Variants in SF3B1 observed in about 807,000 individuals in gnomAD.
SF3B1 encodes the protein pre-mRNA processing 10.
Under a neutral mutation model 153.8 loss-of-function variants are expected in SF3B1, and 12 were observed. The ratio of observed to expected loss-of-function variants is 0.08; its 90% CI spans 0.05 to 0.13. The LOEUF (loss-of-function observed/expected upper bound fraction) is 0.13. SF3B1 is among the 10% of genes least tolerant of loss of function. The probability of loss-of-function intolerance (pLI) is 1.00; values close to 1 mark genes in which losing one functional copy is unlikely to be tolerated. For synonymous variants in SF3B1, 498 were observed against 525.2 expected (o/e 0.95, Z 0.71); for missense variants, 513 against 1,606.1 (o/e 0.32, Z 11.63).
At chr2:197,393,678 C>A (rs2084840900) in intron 23 of SF3B1, among the ~76,000 whole-genome samples, 2 of 151,962 alleles carry the variant, frequency 1.3e-5, no homozygotes, top group Admixed American at 1.3e-4. Context: ...GTCTCGATCT[C>A]TTGACCTTGT....
intron 1 of SF3B1, among the ~76,000 whole-genome samples, chr2:197,430,769 A>G (rs2106025314): frequency 6.6e-6 from 1 of 152,158 alleles, no homozygotes; most frequent in South Asian, 2.1e-4. Context: ...TAGTGTTATT[A>G]AAACCTGTCT....
chr2:197,408,212 A>G, intron 8 of SF3B1, 93 bp from the exon 9 acceptor site: 1 of 1,310,852 alleles, frequency 7.6e-7, no homozygotes, highest in Non-Finnish European at 1.1e-6. Flanking sequence ...CAATCCTATT[A>G]TTTGCTTTTA....
At chr2:197,413,953 CCCG>C (rs539000107) in intron 6 of SF3B1, among the ~76,000 whole-genome samples, 399 of 152,118 alleles carry the variant, frequency 2.6e-3, no homozygotes, top group Non-Finnish European at 3.1e-3. Flanking sequence ...ATTACAGGTG[CCCG>C]CCAACATGCC....
In SF3B1 at chr2:197,402,328, T is replaced by G. The variant is rs1026366961; in HGVS notation, c.2078-198A>C. On this transcript the variant is annotated intron_variant, in intron 14 of 24. Coordinates refer to ENST00000335508, the MANE Select transcript of SF3B1 (RefSeq NM_012433.4). This position sits in a 1 kb window ranked among gnomAD's most constrained non-coding sequence, Gnocchi z 4.6. ...CAAACCCATCATAAAATCTATAGTT[T>G]GTAGAGCTATGCCTTTCCATTTATC... 28 of 712,108 alleles carry G rather than the reference T, an allele frequency of 3.9e-5. No homozygotes were observed. The highest frequency in any genetic ancestry group is 5.4e-5 in the Non-Finnish European group (24 of 440,522). 44.1% of individuals were successfully genotyped at this position (712,108 alleles called of 1,614,324 possible).
At chr2:197,433,723 TC>T (rs150021501) in intron 1 of SF3B1, among the ~76,000 whole-genome samples, 6,464 of 152,292 alleles carry the variant, frequency 0.042, 199 homozygotes, top group Non-Finnish European at 0.059. Flanking sequence ...ATCCAACCTT[TC>T]CAGATTCATT....
At chr2:197,433,265 C>T (rs189880411) in intron 1 of SF3B1, among the ~76,000 whole-genome samples, 2 of 152,330 alleles carry the variant, frequency 1.3e-5, no homozygotes, top group African/African-American at 4.8e-5. Context: ...TCACTTAATT[C>T]ACATTGATAG....
chr2:197,412,014 G>A (rs1417912001), intron 6 of SF3B1, among the ~76,000 whole-genome samples: 2 of 151,172 alleles, frequency 1.3e-5, no homozygotes, highest in Non-Finnish European at 2.9e-5. Context: ...GGAGGGTGAG[G>A]CATGAGAATT....
chr2:197,420,652 C>CT, intron 3 of SF3B1, 110 bp from the exon 4 acceptor site: 1 of 640,184 alleles, frequency 1.6e-6, no homozygotes, highest in African/African-American at 1.8e-5. Flanking sequence ...TACATGCCTA[C>CT]TAATATTCTG....
chr2:197,422,222 C>T (rs2085255360), intron 2 of SF3B1, among the ~76,000 whole-genome samples: 1 of 151,922 alleles, frequency 6.6e-6, no homozygotes, highest in South Asian at 2.1e-4. Flanking sequence ...CTAGAAATTT[C>T]ACCTTTTGGG....
intron 2 of SF3B1, among the ~76,000 whole-genome samples, chr2:197,422,536 G>T (rs1240405450): frequency 1.3e-5 from 2 of 151,672 alleles, no homozygotes. Flanking sequence ...ATGGACCCTA[G>T]AATTTAAAGT....
At chr2:197,407,607 A>T (rs11676173) in intron 9 of SF3B1, among the ~76,000 whole-genome samples, 2,819 of 89,104 alleles carry the variant, frequency 0.032, 49 homozygotes, top group Non-Finnish European at 0.039. Flanking sequence ...TCCATCTTTT[A>T]AAAAAAAAAA....
chr2:197,408,672 A>C (rs1398984684), intron 7 of SF3B1, 91 bp from the exon 8 acceptor site: 15 of 902,032 alleles, frequency 1.7e-5, no homozygotes. Context: ...AAAACTATCA[A>C]GTTCTAAAAT....
chr2:197,402,301 A>G lies in SF3B1; in HGVS notation c.2078-171T>C, dbSNP rs901736730. ...ACCATAGCCTGTCAGCAGATAATAT[A>G]ACAAACCCATCATAAAATCTATAGT... On this transcript the variant is annotated intron_variant, in intron 14 of 24. Coordinates refer to ENST00000335508, the MANE Select transcript of SF3B1 (RefSeq NM_012433.4). This position sits in a 1 kb window ranked among gnomAD's most constrained non-coding sequence, Gnocchi z 4.6. The G allele has an allele frequency of 1.6e-4, 125 of 767,496 alleles. No individual in the cohort carries two copies. In the African/African-American group the frequency reaches 1.7e-3, roughly 11 times the overall value. The allele number at this position is 767,496 out of a possible 1,614,324, so 47.5% of individuals were successfully genotyped here.
chr2:197,398,409 C>A (rs115789921), intron 21 of SF3B1, 52 bp downstream of exon 21: 1 of 1,605,056 alleles, frequency 6.2e-7, no homozygotes, highest in Non-Finnish European at 8.5e-7. Context: ...TACAAAGTGG[C>A]CAAATTTGAA....
Position 197,405,075 on chromosome 2 carries a change from C to G in SF3B1, c.1539+1G>C. On this transcript the variant is annotated splice_donor_variant, in intron 11 of 24. Transcript: ENST00000335508. LOFTEE classifies it high-confidence loss of function. ...TGACAATTTAACAAACTGGGACTTA[C>G]CTTTCTCATTGGTGGTGTTCCATTC... 1 of 1,564,874 alleles carries G rather than the reference C, an allele frequency of 6.4e-7. No homozygotes were observed.
At chr2:197,411,585 T>C (rs1396983391) in intron 6 of SF3B1, among the ~76,000 whole-genome samples, 5 of 151,056 alleles carry the variant, frequency 3.3e-5, no homozygotes, top group African/African-American at 7.3e-5. Context: ...GGCAGGAGAA[T>C]GGTGTGAACC....
chr2:197,409,048 A>C (rs1223081719), intron 7 of SF3B1, among the ~76,000 whole-genome samples: 1 of 152,200 alleles, frequency 6.6e-6, no homozygotes, highest in Non-Finnish European at 1.5e-5. Context: ...ACTTGAAACC[A>C]GGAGTTCAAC....
At chr2:197,425,444 C>G in intron 1 of SF3B1, among the ~76,000 whole-genome samples, 1 of 151,534 alleles carries the variant, frequency 6.6e-6, no homozygotes, top group East Asian at 1.9e-4. Context: ...CCAGCCTGGG[C>G]GACAAGAGCG....
At position 197,409,761 on chromosome 2, in the gene SF3B1, T is replaced by C. The variant is rs1329860002; in HGVS notation, c.904+9A>G. On this transcript the variant is annotated intron_variant, in intron 7 of 24. Transcript: ENST00000335508. Reference sequence around the variant, plus strand: ...TTTCACCCACACACCCATACTCCACTAGAAGTACCTCTCTCTGTTTTGGGG... The same window carrying C: ...TTTCACCCACACACCCATACTCCACCAGAAGTACCTCTCTCTGTTTTGGGG... The C allele has an allele frequency of 1.2e-6, 2 of 1,600,626 alleles. No homozygotes were observed.
Sources: gnomAD v4.1 joint callset for allele counts (sites outside exome capture counted in the v4.1 genomes callset) on GRCh38, gnomAD v4.1.1 for gene constraint, Gnocchi (gnomAD v3.1) non-coding constraint, MANE v1.5 for transcripts, NCBI Gene and HGNC (gene_info 2026-07-23, HGNC 2026-07-21) for gene names.